PTBP3: variants seen among roughly 807,000 people sequenced by gnomAD.
PTBP3 encodes the protein polypyrimidine tract binding protein 3.
Under a neutral mutation model 58.7 loss-of-function variants are expected in PTBP3, and 20 were observed. The ratio of observed to expected loss-of-function variants is 0.34; its 90% CI spans 0.24 to 0.50. The LOEUF (loss-of-function observed/expected upper bound fraction) is 0.50. Among genes scored for constraint, PTBP3 ranks in the 20% least tolerant of loss-of-function variants. The probability of loss-of-function intolerance (pLI) is 0.98; values close to 1 mark genes in which losing one functional copy is unlikely to be tolerated. For missense variants in PTBP3, 509 were observed against 637.2 expected (o/e 0.80, Z 2.17); for synonymous variants, 185 against 219.8 (o/e 0.84, Z 1.40).
the PTBP3 span, among the ~76,000 whole-genome samples, chr9:112,339,691 G>A: frequency 3.3e-5 from 5 of 151,472 alleles, no homozygotes; most frequent in South Asian, 8.3e-4. Flanking sequence ...AGCCTCCCAA[G>A]TAGCTGGGAT....
the PTBP3 span, among the ~76,000 whole-genome samples, chr9:112,340,654 GGGTGGATCACCTGAGGTCAGGA>G: frequency 6.6e-6 from 1 of 151,884 alleles, no homozygotes; most frequent in Non-Finnish European, 1.5e-5. Context: ...AGGCTGAGGC[GGGTGGATCACCTGAGGTCAGGA>G]GTTTGAGACC....
chr9:112,302,840 T>G (rs925250032), intron 1 of PTBP3, among the ~76,000 whole-genome samples: 4 of 152,186 alleles, frequency 2.6e-5, no homozygotes, highest in African/African-American at 7.2e-5. Context: ...TCTGCCCACC[T>G]CTGCCTCCTA....
chr9:112,302,034 A>C (rs1442327220), intron 1 of PTBP3, among the ~76,000 whole-genome samples: 1 of 152,204 alleles, frequency 6.6e-6, no homozygotes, highest in Non-Finnish European at 1.5e-5. Flanking sequence ...CCGCTGTTAC[A>C]GATCATCCTC....
At chr9:112,261,370 G>A (rs1012473540) in intron 5 of PTBP3, among the ~76,000 whole-genome samples, 4 of 152,204 alleles carry the variant, frequency 2.6e-5, no homozygotes, top group Admixed American at 6.5e-5. Context: ...AAATGTGTCT[G>A]AGCTCTATCG....
chr9:112,324,349 TATAATTA>T (rs1487266042), intron 1 of PTBP3, among the ~76,000 whole-genome samples: 1 of 152,106 alleles, frequency 6.6e-6, no homozygotes, highest in Non-Finnish European at 1.5e-5. Flanking sequence ...TTAAAGGAAA[TATAATTA>T]ATATGTATGT....
chr9:112,290,206 G>T (rs1828326974), intron 2 of PTBP3, among the ~76,000 whole-genome samples: 1 of 151,954 alleles, frequency 6.6e-6, no homozygotes, highest in South Asian at 2.1e-4. Context: ...AAGTTAAAGA[G>T]AAAAAGCAAA....
chr9:112,364,374 G>C, the PTBP3 span, among the ~76,000 whole-genome samples: 3 of 152,070 alleles, frequency 2.0e-5, no homozygotes, highest in African/African-American at 7.2e-5. Flanking sequence ...AAAAGTACCA[G>C]GGGGCCAGGC....
chr9:112,268,646 A>AG lies in PTBP3; in HGVS notation c.205-452dup, dbSNP rs1827221538. ...AGGACTGCTCAAGCCTGGGAGGTTG[A>AG]GGGTGCAGTGATCCATGTTTGCATG... On this transcript the variant is annotated intron_variant, in intron 3 of 13. Coordinates refer to ENST00000374257, the MANE Select transcript of PTBP3 (RefSeq NM_001163788.4). Among the ~76,000 whole-genome samples, 3 of 141,744 alleles carry AG rather than the reference A, an allele frequency of 2.1e-5. No homozygotes were observed. The South Asian group carries it at 6.9e-4, about 33-fold the overall frequency. The allele number at this position is 141,744 out of a possible 152,430, so 93.0% of individuals were successfully genotyped here.
intron 2 of PTBP3, among the ~76,000 whole-genome samples, chr9:112,294,170 T>A (rs999226590): frequency 6.6e-6 from 1 of 152,040 alleles, no homozygotes; most frequent in African/African-American, 2.4e-5. Flanking sequence ...TAATAAAAAC[T>A]AAGTAAAATA....
chr9:112,277,879 A>AG (rs1827678401), intron 2 of PTBP3, among the ~76,000 whole-genome samples: 4 of 137,758 alleles, frequency 2.9e-5, no homozygotes, highest in East Asian at 2.1e-4. Flanking sequence ...GTCTCAAAAT[A>AG]ACGTAACATA....
chr9:112,338,452 A>C (rs1265220782), upstream of PTBP3, among the ~76,000 whole-genome samples: 1 of 152,200 alleles, frequency 6.6e-6, no homozygotes, highest in Non-Finnish European at 1.5e-5. Flanking sequence ...ACCTCTTTGT[A>C]CTTATTTTTT....
intron 2 of PTBP3, among the ~76,000 whole-genome samples, chr9:112,286,210 G>A (rs1316900373): frequency 6.6e-6 from 1 of 151,796 alleles, no homozygotes; most frequent in Non-Finnish European, 1.5e-5. Flanking sequence ...ATTTAAAATG[G>A]GTTTCTTATA....
intron 3 of PTBP3, chr9:112,272,658 C>G (rs1827440610): frequency 6.6e-6 from 1 of 152,080 alleles, no homozygotes; most frequent in African/African-American, 2.4e-5. Context: ...CACTACTGAT[C>G]AGCACAGGAG....
rs768036924 is a variant in PTBP3 at position 112,222,230 on chromosome 9, GAAAT to G, written c.*1617_*1620del. On this transcript the variant is annotated 3_prime_UTR_variant, in exon 14 of 14. Transcript: ENST00000374257. ...TAAAAAATTCTGATCAACAATTGAA[GAAAT>G]AATAGCAAAGTTTCTTATTAAAAAG... 3 of 977,914 alleles carry G rather than the reference GAAAT, an allele frequency of 3.1e-6. No individual in the cohort carries two copies. The highest frequency in any genetic ancestry group is 3.6e-6 in the Non-Finnish European group (3 of 822,880). 60.6% of individuals were successfully genotyped at this position (977,914 alleles called of 1,614,324 possible).
At chr9:112,359,281 A>G in the PTBP3 span, among the ~76,000 whole-genome samples, 1 of 151,418 alleles carries the variant, frequency 6.6e-6, no homozygotes, top group Non-Finnish European at 1.5e-5. Context: ...TCTTTACTAA[A>G]AAATAGAAAA....
chr9:112,333,784 G>C (rs917657876), upstream of PTBP3: 4 of 257,592 alleles, frequency 1.6e-5, no homozygotes, highest in African/African-American at 4.8e-5. Flanking sequence ...GCTGGCAGCC[G>C]GCCTCCGGCT....
chr9:112,247,344 G>A (rs1008752731), intron 7 of PTBP3, among the ~76,000 whole-genome samples: 1 of 151,486 alleles, frequency 6.6e-6, no homozygotes, highest in Non-Finnish European at 1.5e-5. Context: ...GAATAAAGAA[G>A]TGTTCTGAAT....
At chr9:112,229,097 C>T (rs912979242) in intron 10 of PTBP3, among the ~76,000 whole-genome samples, 2 of 152,134 alleles carry the variant, frequency 1.3e-5, no homozygotes, top group African/African-American at 4.8e-5. Flanking sequence ...CTATACTAAT[C>T]TATTTATATA....
chr9:112,303,608 G>C (rs1475414788), intron 1 of PTBP3, among the ~76,000 whole-genome samples: 1 of 152,214 alleles, frequency 6.6e-6, no homozygotes, highest in African/African-American at 2.4e-5. Context: ...GCTCACGCCT[G>C]TAATCCCAGC....
Sources: gnomAD v4.1 joint callset for allele counts (sites outside exome capture counted in the v4.1 genomes callset) on GRCh38, gnomAD v4.1.1 for gene constraint, MANE v1.5 for transcripts, NCBI Gene and HGNC (gene_info 2026-07-23, HGNC 2026-07-21) for gene names.